The following ABHD3 variants were observed in gnomAD, a reference collection of about 807,000 sequenced individuals.
ABHD3 encodes the protein phospholipase ABHD3.
In ABHD3, 46 loss-of-function variants were observed where a neutral mutation model predicts 48.8. That is an observed-to-expected ratio of 0.94 (90% confidence interval 0.74 to 1.20). The LOEUF is 1.20. Among genes scored for constraint, ABHD3 ranks in the 50% most tolerant of loss-of-function variants. The pLI, the probability that ABHD3 is intolerant of heterozygous loss-of-function variation, is 0.00. For synonymous variants in ABHD3, 192 were observed against 183.7 expected (o/e 1.04, Z -0.36); for missense variants, 490 against 497.8 (o/e 0.98, Z 0.15).
rs547186384 is a variant in ABHD3 at position 21,678,313 on chromosome 18, G to T, written c.555+5607C>A. On this transcript the variant is annotated intron_variant, in intron 4 of 8. Transcript: ENST00000289119. ...ATTTCAGGAATTTCTGGGTCATATG[G>T]TAACTCTATTTTAACTTTTGGAGGA... Among the ~76,000 whole-genome samples the T allele has an allele frequency of 8.5e-5, 13 of 152,194 alleles. No homozygotes were observed. In the South Asian group the frequency reaches 2.7e-3, roughly 32 times the overall value.
At chr18:21,676,632 C>T (rs2146308485) in intron 4 of ABHD3, among the ~76,000 whole-genome samples, 1 of 152,338 alleles carries the variant, frequency 6.6e-6, no homozygotes, top group South Asian at 2.1e-4. Context: ...CTCAAGTGAT[C>T]CACCCGCCTT....
At chr18:21,666,849 C>T (rs1233950311) in intron 4 of ABHD3, among the ~76,000 whole-genome samples, 1 of 152,018 alleles carries the variant, frequency 6.6e-6, no homozygotes, top group East Asian at 1.9e-4. Context: ...GGGGGCAATC[C>T]TCTCGGTAGA....
rs1371686107 is a variant in ABHD3, at chr18:21,702,297, A to G, written c.509+19T>C. On this transcript the variant is annotated intron_variant, in intron 3 of 8. Transcript: ENST00000289119. ...TTTGGAATGGATCAAGTGAAAAAAA[A>G]GAAATCTTTTACTGGTACCTGTATC... is the stretch of plus-strand genomic sequence containing the variant. 1 of 1,545,216 alleles carries G rather than the reference A, an allele frequency of 6.5e-7. No individual in the cohort carries two copies. Among genetic ancestry groups the G allele is most frequent in the Non-Finnish European group, 8.8e-7 (1 of 1,141,830 alleles).
At chr18:21,677,920 C>G (rs1205855903) in intron 4 of ABHD3, among the ~76,000 whole-genome samples, 1 of 152,000 alleles carries the variant, frequency 6.6e-6, no homozygotes, top group African/African-American at 2.4e-5. Context: ...GCCTCAGCCT[C>G]CCAAAGTGCT....
intron 3 of ABHD3, among the ~76,000 whole-genome samples, chr18:21,698,255 A>G (rs545306983): frequency 1.7e-4 from 25 of 151,368 alleles, no homozygotes; most frequent in African/African-American, 5.1e-4. Flanking sequence ...GTGCGATCTC[A>G]GCTCACTGCA....
intron 2 of ABHD3, among the ~76,000 whole-genome samples, chr18:21,703,333 C>G (rs984761993): frequency 6.6e-6 from 1 of 150,672 alleles, no homozygotes; most frequent in Non-Finnish European, 1.5e-5. Flanking sequence ...AAACACTTCT[C>G]TCATCCTAAA....
At chr18:21,702,636 G>A (rs1027039607) in intron 2 of ABHD3, 138 bp from the exon 3 acceptor site, 7 of 662,802 alleles carry the variant, frequency 1.1e-5, no homozygotes, top group Admixed American at 7.3e-5. Context: ...CCCATATCTC[G>A]ATCTACATAT....
rs2039220669 is a variant in ABHD3 at position 21,651,523 on chromosome 18, A to G, written c.*68T>C. 3 of 1,584,536 alleles carry G rather than the reference A, an allele frequency of 1.9e-6. No individual in the cohort carries two copies. Among genetic ancestry groups the G allele is most frequent in the Non-Finnish European group, 2.6e-6 (3 of 1,159,174 alleles). On this transcript the variant is annotated 3_prime_UTR_variant, in exon 9 of 9. Transcript: ENST00000289119. ...ATTTGCTTTATATACAACAGTTAAA[A>G]TTTGTGCACTAAGCTGAGCTGCCTT...
chr18:21,696,151 T>G (rs1286240372), intron 3 of ABHD3, among the ~76,000 whole-genome samples: 3 of 149,886 alleles, frequency 2.0e-5, no homozygotes, highest in Non-Finnish European at 4.4e-5. Flanking sequence ...TCCTTGTTTT[T>G]TTTTTTTTTT....
chr18:21,697,440 C>T (rs1236357133), intron 3 of ABHD3, among the ~76,000 whole-genome samples: 1 of 151,976 alleles, frequency 6.6e-6, no homozygotes, highest in Non-Finnish European at 1.5e-5. Context: ...AGTGCAGTGG[C>T]ATGATCTTGA....
At position 21,702,545 on chromosome 18, in the gene ABHD3, CAT is replaced by C. The variant is rs768906449; in HGVS notation, c.327-49_327-48del. The C allele has an allele frequency of 9.3e-6, 13 of 1,391,642 alleles. No individual in the cohort carries two copies. In the African/African-American group the frequency reaches 2.5e-4, roughly 27 times the overall value. 86.2% of individuals were successfully genotyped at this position (1,391,642 alleles called of 1,614,324 possible). On this transcript the variant is annotated intron_variant, in intron 2 of 8. Coordinates refer to ENST00000289119, the MANE Select transcript of ABHD3 (RefSeq NM_138340.5). ...ACATTACTATTTACATGTTTTAAGT[CAT>C]GTCTTAATTTTAATTCTAAACACAT...
intron 3 of ABHD3, among the ~76,000 whole-genome samples, chr18:21,697,259 G>A (rs2040391989): frequency 6.6e-6 from 1 of 151,838 alleles, no homozygotes; most frequent in African/African-American, 2.4e-5. Context: ...TATTTTAGTA[G>A]AGAGGGGGTG....
intron 3 of ABHD3, among the ~76,000 whole-genome samples, chr18:21,694,029 G>A (rs899903423): frequency 6.6e-6 from 1 of 152,086 alleles, no homozygotes; most frequent in Non-Finnish European, 1.5e-5. Flanking sequence ...ATTGCATCTA[G>A]AGCTATGATA....
At chr18:21,668,447 A>G (rs2039687543) in intron 4 of ABHD3, among the ~76,000 whole-genome samples, 1 of 152,112 alleles carries the variant, frequency 6.6e-6, no homozygotes, top group African/African-American at 2.4e-5. Flanking sequence ...GAATGCATAC[A>G]TATAGACACA....
At chr18:21,681,215 G>A (rs780715386) in intron 4 of ABHD3, among the ~76,000 whole-genome samples, 46 of 151,878 alleles carry the variant, frequency 3.0e-4, no homozygotes, top group Non-Finnish European at 4.6e-4. Flanking sequence ...AATTTCCACC[G>A]GGATTATCTA....
chr18:21,656,395 A>T (rs949346740), intron 8 of ABHD3, among the ~76,000 whole-genome samples: 1 of 152,140 alleles, frequency 6.6e-6, no homozygotes, highest in Non-Finnish European at 1.5e-5. Flanking sequence ...TTTCTCTTTA[A>T]ATATGACCTT....
chr18:21,688,492 A>G (rs1260081997), intron 3 of ABHD3, among the ~76,000 whole-genome samples: 1 of 151,014 alleles, frequency 6.6e-6, no homozygotes, highest in Admixed American at 6.6e-5. Flanking sequence ...TATTCATTCA[A>G]TAATATTTAC....
intron 3 of ABHD3, among the ~76,000 whole-genome samples, chr18:21,698,705 T>C (rs1056857182): frequency 4.6e-5 from 7 of 151,966 alleles, no homozygotes; most frequent in Admixed American, 2.0e-4. Context: ...GCCTCCCAAG[T>C]AGCTGGGATG....
intron 3 of ABHD3, among the ~76,000 whole-genome samples, chr18:21,691,665 C>T (rs2040254665): frequency 6.6e-6 from 1 of 151,884 alleles, no homozygotes; most frequent in African/African-American, 2.4e-5. Flanking sequence ...TCATTATCTC[C>T]CGTTTCAACT....
Sources: allele counts gnomAD v4.1 joint callset (sites outside exome capture counted in the v4.1 genomes callset), GRCh38; gene constraint gnomAD v4.1.1; transcripts MANE v1.5; gene names NCBI Gene and HGNC (gene_info 2026-07-23, HGNC 2026-07-21).